The following SORCS1 variants were observed in gnomAD, a reference collection of about 807,000 sequenced individuals.
The protein encoded by SORCS1 is VPS10 domain-containing receptor SorCS1.
A neutral mutation model predicts 146.1 loss-of-function variants in SORCS1; 60 were observed. The ratio of observed to expected loss-of-function variants is 0.41; its 90% CI spans 0.33 to 0.51. The LOEUF (loss-of-function observed/expected upper bound fraction) is 0.51. SORCS1 is among the 20% of genes least tolerant of loss of function. The pLI is 0.21. For missense variants in SORCS1, 1,352 were observed against 1,487.6 expected, an observed-to-expected ratio of 0.91 and a Z score of 1.50; for synonymous variants, 637 against 584.0, an observed-to-expected ratio of 1.09 and a Z score of -1.31.
At chr10:107,003,054 G>A (rs1404120885) in intron 1 of SORCS1, among the ~76,000 whole-genome samples, 1 of 152,088 alleles carries the variant, frequency 6.6e-6, no homozygotes, top group East Asian at 1.9e-4. Flanking sequence ...TCAGGAGGTC[G>A]AGACCAGCCT....
At chr10:106,851,807 C>T (rs1326378229) in intron 2 of SORCS1, among the ~76,000 whole-genome samples, 1 of 152,190 alleles carries the variant, frequency 6.6e-6, no homozygotes, top group Non-Finnish European at 1.5e-5. Flanking sequence ...GACATCTTGG[C>T]AATATTGAGT....
chr10:107,120,708 C>T (rs1254570779), intron 1 of SORCS1, among the ~76,000 whole-genome samples: 2 of 152,142 alleles, frequency 1.3e-5, no homozygotes, highest in Admixed American at 6.5e-5. Flanking sequence ...AGGCAAAGCA[C>T]GACTGCTTAA....
At position 106,761,598 on chromosome 10, in the gene SORCS1, T is replaced by C; in HGVS notation, c.949A>G (p.Arg317Gly). The change falls in exon 5 of 26, where the codon AGG becomes GGG. Residue 317 changes from arginine (R) to glycine (G), a missense_variant. Arg to Gly is a moderately radical substitution (Grantham distance 125). Coordinates refer to ENST00000263054, the MANE Select transcript of SORCS1 (RefSeq NM_052918.5). ...TAAAGTGAGACTTACCAGTAGAACC[T>C]GTTTGGTACAACCCCTTCTTGGATA... ...QLIQEGVVPN[R>G]FYWSVMGSNK... 1 of 1,614,136 alleles carries C rather than the reference T, an allele frequency of 6.2e-7. No individual in the cohort carries two copies. The highest frequency in any genetic ancestry group is 8.5e-7 in the Non-Finnish European group (1 of 1,179,958).
At chr10:106,947,241 C>T (rs569991733) in intron 2 of SORCS1, among the ~76,000 whole-genome samples, 41 of 152,258 alleles carry the variant, frequency 2.7e-4, no homozygotes, top group African/African-American at 8.9e-4. Context: ...AATGTAATCT[C>T]GAGTATCATT....
Position 106,706,293 on chromosome 10 carries a change from GAGAAAGAA to G in SORCS1, c.1233+244_1233+251del, listed in dbSNP as rs748001213. On this transcript the variant is annotated intron_variant, in intron 8 of 25. Transcript: ENST00000263054. Reference sequence around the variant, plus strand: ...AAAAGAAAGTAAGATGAAGGAGAAAGAGAAAGAAAGAAAGAAGGAAAGAAAGAAAGGAA... The same window carrying G: ...AAAAGAAAGTAAGATGAAGGAGAAAGAGAAAGAAGGAAAGAAAGAAAGGAA... 1.1e-3 allele frequency among the ~76,000 whole-genome samples: 167 copies of G among 150,088 alleles called. 1 individual carries two copies. The highest frequency in any genetic ancestry group is 3.8e-3 in the African/African-American group (156 of 40,838).
intron 1 of SORCS1, 130 bp downstream of exon 1, chr10:107,163,839 G>T: frequency 9.6e-7 from 1 of 1,044,946 alleles, no homozygotes; most frequent in Non-Finnish European, 1.4e-6. Context: ...GGGGAAGTGG[G>T]CAGAGACCAG....
intron 1 of SORCS1, among the ~76,000 whole-genome samples, chr10:107,151,820 G>C (rs1968823504): frequency 6.6e-6 from 1 of 152,202 alleles, no homozygotes; most frequent in East Asian, 1.9e-4. Flanking sequence ...AAGTGGCAAA[G>C]CATTCAAGAG....
upstream of SORCS1, among the ~76,000 whole-genome samples, chr10:107,166,479 C>G (rs1970054918): frequency 6.6e-6 from 1 of 152,174 alleles, no homozygotes; most frequent in Non-Finnish European, 1.5e-5. Context: ...AAAAGAGTGT[C>G]CTGTTTGTCG....
chr10:107,121,897 T>C (rs1013460573), intron 1 of SORCS1, among the ~76,000 whole-genome samples: 1 of 152,160 alleles, frequency 6.6e-6, no homozygotes, highest in Admixed American at 6.5e-5. Flanking sequence ...ATCTCCATTT[T>C]CACCTTTTAA....
intron 19 of SORCS1, among the ~76,000 whole-genome samples, chr10:106,625,720 T>C (rs1848064415): frequency 6.6e-6 from 1 of 152,156 alleles, no homozygotes; most frequent in Non-Finnish European, 1.5e-5. Context: ...AGGGAACAGA[T>C]AAGGGAAGCA....
chr10:107,135,096 C>T (rs1219639524), intron 1 of SORCS1, among the ~76,000 whole-genome samples: 3 of 152,136 alleles, frequency 2.0e-5, no homozygotes, highest in African/African-American at 4.8e-5. Context: ...TTCAAATAAT[C>T]AAAAGGGGAC....
chr10:106,720,337 G>GA (rs955126178), intron 6 of SORCS1, among the ~76,000 whole-genome samples: 2 of 151,686 alleles, frequency 1.3e-5, no homozygotes, highest in African/African-American at 2.4e-5. Context: ...TGAAACAATG[G>GA]AAAAAACACT....
intron 17 of SORCS1, among the ~76,000 whole-genome samples, chr10:106,662,625 T>A (rs187814964): frequency 6.6e-6 from 1 of 152,208 alleles, no homozygotes; most frequent in Non-Finnish European, 1.5e-5. Flanking sequence ...AAAATGGCAC[T>A]GGACACAGGG....
At chr10:106,946,123 A>G (rs1183728653) in intron 2 of SORCS1, among the ~76,000 whole-genome samples, 1 of 152,182 alleles carries the variant, frequency 6.6e-6, no homozygotes, top group Non-Finnish European at 1.5e-5. Flanking sequence ...ACCTACACAT[A>G]AGGCAGTAGG....
chr10:106,770,529 AC>A (rs1342625188), intron 4 of SORCS1, among the ~76,000 whole-genome samples: 2 of 152,054 alleles, frequency 1.3e-5, no homozygotes, highest in African/African-American at 2.4e-5. Context: ...CAAAAGAGAG[AC>A]CCATGAACAA....
intron 1 of SORCS1, among the ~76,000 whole-genome samples, chr10:106,975,549 G>A (rs1955956925): frequency 6.6e-6 from 1 of 152,188 alleles, no homozygotes; most frequent in South Asian, 2.1e-4. Context: ...GGTAGACCCT[G>A]AGGGAGAAAA....
chr10:106,872,282 A>G (rs1281167338), intron 2 of SORCS1, among the ~76,000 whole-genome samples: 1 of 152,246 alleles, frequency 6.6e-6, no homozygotes, highest in Non-Finnish European at 1.5e-5. Context: ...GAAGTATATA[A>G]GAGGCAGAGA....
intron 1 of SORCS1, among the ~76,000 whole-genome samples, chr10:107,071,030 A>C (rs1435156594): frequency 3.9e-5 from 6 of 152,196 alleles, no homozygotes; most frequent in African/African-American, 9.7e-5. Flanking sequence ...GCAAAAATGC[A>C]AAACGTAAAC....
chr10:106,772,470 A>ATCAATCAATC (rs1354699246), intron 4 of SORCS1, among the ~76,000 whole-genome samples: 2 of 127,560 alleles, frequency 1.6e-5, no homozygotes, highest in African/African-American at 5.9e-5. Context: ...CAATCAATCA[A>ATCAATCAATC]TCTCTCTCTC....
Sources: gnomAD v4.1 joint callset for allele counts (sites outside exome capture counted in the v4.1 genomes callset) on GRCh38, gnomAD v4.1.1 for gene constraint, MANE v1.5 for transcripts, NCBI Gene and HGNC (gene_info 2026-07-23, HGNC 2026-07-21) for gene names.